Variants in PDSS2 observed in about 807,000 individuals in gnomAD.
PDSS2 encodes decaprenyl diphosphate synthase subunit 2, also known as all trans-polyprenyl-diphosphate synthase PDSS2.
A neutral mutation model predicts 44.5 loss-of-function variants in PDSS2; 31 were observed. That is an observed-to-expected ratio of 0.70 (90% confidence interval 0.52 to 0.94). PDSS2 has a LOEUF of 0.94. PDSS2 is among the 40% of genes least tolerant of loss of function. PDSS2 has a pLI of 0.00. For synonymous variants in PDSS2, 157 were observed against 180.3 expected, an observed-to-expected ratio of 0.87 and a Z score of 1.03; for missense variants, 452 against 482.2, an observed-to-expected ratio of 0.94 and a Z score of 0.59.
intron 1 of PDSS2, among the ~76,000 whole-genome samples, chr6:107,436,863 A>T (rs974308822): frequency 2.2e-4 from 32 of 146,916 alleles, no homozygotes; most frequent in Admixed American, 8.1e-4. Context: ...TTTGTCAATT[A>T]AAAAAATAAA....
chr6:107,242,809 G>C (rs914597224), intron 4 of PDSS2, among the ~76,000 whole-genome samples: 4 of 152,192 alleles, frequency 2.6e-5, no homozygotes, highest in African/African-American at 9.7e-5. Context: ...TGGGATTATA[G>C]GCTTGAGCCA....
At chr6:107,192,033 C>T (rs1772399261) in intron 7 of PDSS2, among the ~76,000 whole-genome samples, 1 of 152,136 alleles carries the variant, frequency 6.6e-6, no homozygotes, top group Non-Finnish European at 1.5e-5. Context: ...TTGCTGTCAA[C>T]CTAAAACTGC....
intron 2 of PDSS2, among the ~76,000 whole-genome samples, chr6:107,282,732 G>A (rs1245492606): frequency 6.6e-6 from 1 of 151,610 alleles, no homozygotes; most frequent in Non-Finnish European, 1.5e-5. Flanking sequence ...TACCAGGCAG[G>A]GTGGCAGGTG....
chr6:107,348,961 G>GA (rs1315539662), intron 1 of PDSS2, among the ~76,000 whole-genome samples: 2 of 152,180 alleles, frequency 1.3e-5, no homozygotes, highest in Admixed American at 1.3e-4. Flanking sequence ...GTAGAGCCAT[G>GA]ATTTTAACCC....
rs540080258 is a variant in PDSS2 at position 107,224,606 on chromosome 6, T to G, written c.703-12324A>C. ...GCATATACAGTTAGAGTAAAATATA[T>G]ATAGAGAGAGTAAAATATACATCTT... is the stretch of plus-strand genomic sequence containing the variant. On this transcript the variant is annotated intron_variant, in intron 4 of 7. Coordinates refer to ENST00000369037, the MANE Select transcript of PDSS2 (RefSeq NM_020381.4). 1.3e-4 allele frequency among the ~76,000 whole-genome samples: 20 copies of G among 151,452 alleles called. No individual in the cohort carries two copies. In the East Asian group the frequency reaches 3.7e-3, roughly 28 times the overall value.
intron 1 of PDSS2, 95 bp from the exon 2 acceptor site, chr6:107,334,427 AC>A: frequency 8.9e-7 from 1 of 1,129,652 alleles, no homozygotes; most frequent in South Asian, 1.2e-5. Context: ...CACTTCTAAA[AC>A]TGGACAATGA....
At chr6:107,176,086 G>A (rs1007843241) in intron 7 of PDSS2, among the ~76,000 whole-genome samples, 2 of 151,840 alleles carry the variant, frequency 1.3e-5, no homozygotes, top group African/African-American at 2.4e-5. Context: ...CTGTCTCCCA[G>A]GCTGGAATGC....
At chr6:107,176,844 T>A (rs560685819) in intron 7 of PDSS2, among the ~76,000 whole-genome samples, 1 of 152,232 alleles carries the variant, frequency 6.6e-6, no homozygotes, top group African/African-American at 2.4e-5. Context: ...GGTATTTATA[T>A]ATAGTTTAAA....
At chr6:107,313,572 C>A (rs369194228) in intron 2 of PDSS2, among the ~76,000 whole-genome samples, 1 of 151,902 alleles carries the variant, frequency 6.6e-6, no homozygotes, top group Admixed American at 6.6e-5. Flanking sequence ...AGGCTGGTCT[C>A]GAACTCCTGA....
chr6:107,434,357 T>C (rs1198900284), intron 1 of PDSS2, among the ~76,000 whole-genome samples: 1 of 152,232 alleles, frequency 6.6e-6, no homozygotes, highest in Non-Finnish European at 1.5e-5. Context: ...GCAACCTAAG[T>C]GTCCATGAAC....
chr6:107,351,655 C>T (rs549446088), intron 1 of PDSS2, among the ~76,000 whole-genome samples: 31 of 152,100 alleles, frequency 2.0e-4, no homozygotes, highest in Non-Finnish European at 4.0e-4. Context: ...GTTTCAAATA[C>T]TGTGATATAA....
intron 3 of PDSS2, among the ~76,000 whole-genome samples, chr6:107,253,429 T>C (rs566463271): frequency 1.3e-5 from 2 of 152,366 alleles, no homozygotes; most frequent in Non-Finnish European, 2.9e-5. Context: ...TTTTAAATTA[T>C]AGTTGTTCTT....
At chr6:107,235,540 A>C (rs1035463130) in intron 4 of PDSS2, among the ~76,000 whole-genome samples, 1 of 152,254 alleles carries the variant, frequency 6.6e-6, no homozygotes, top group Non-Finnish European at 1.5e-5. Flanking sequence ...CACCTGAAAG[A>C]ATCAAACTGT....
intron 4 of PDSS2, among the ~76,000 whole-genome samples, chr6:107,225,029 A>G (rs1773738686): frequency 6.8e-6 from 1 of 147,928 alleles, no homozygotes; most frequent in Non-Finnish European, 1.5e-5. Flanking sequence ...AGTTCTTGCC[A>G]CACAGGCCAC....
intron 2 of PDSS2, among the ~76,000 whole-genome samples, chr6:107,313,157 A>G (rs1034367985): frequency 2.6e-5 from 4 of 152,230 alleles, no homozygotes; most frequent in Admixed American, 2.6e-4. Flanking sequence ...ATGTGCTTAC[A>G]TTCTAATTTT....
At chr6:107,434,217 T>G (rs1013659868) in intron 1 of PDSS2, among the ~76,000 whole-genome samples, 1 of 151,954 alleles carries the variant, frequency 6.6e-6, no homozygotes, top group Middle Eastern at 3.2e-3. Context: ...AAACTGAAAA[T>G]AGAGATAACT....
chr6:107,278,186 T>C (rs1775851985), intron 2 of PDSS2, among the ~76,000 whole-genome samples: 1 of 152,018 alleles, frequency 6.6e-6, no homozygotes, highest in Non-Finnish European at 1.5e-5. Context: ...GATGACCCAG[T>C]AGACATATTG....
intron 2 of PDSS2, among the ~76,000 whole-genome samples, chr6:107,276,874 A>G (rs1202889862): frequency 6.6e-6 from 1 of 152,204 alleles, no homozygotes; most frequent in African/African-American, 2.4e-5. Flanking sequence ...GAAAGGCAAC[A>G]TGGAGAAAGG....
chr6:107,459,384 C>T lies in PDSS2; in HGVS notation c.-99G>A. 2.0e-6 allele frequency: 2 copies of T among 996,916 alleles called. No individual in the cohort carries two copies. The highest frequency in any genetic ancestry group is 3.1e-6 in the Non-Finnish European group (2 of 654,150). The allele number at this position is 996,916 out of a possible 1,614,324, so 61.8% of individuals were successfully genotyped here. A position where few individuals can be genotyped will look rare whatever the true frequency, so the allele number is the denominator to read the frequency against. The stretch of plus-strand genomic sequence containing the variant: ...GGAACTTACAGTAACTAAAAGGAAG[C>T]GGCAATTCTTGACCCTCAGAGTAAG... On this transcript the variant is annotated 5_prime_UTR_variant, in exon 1 of 8. Transcript: ENST00000369037. This position sits in a 1 kb window ranked among gnomAD's most constrained non-coding sequence, Gnocchi z 4.3.
Sources: gnomAD v4.1 joint callset for allele counts (sites outside exome capture counted in the v4.1 genomes callset) on GRCh38, gnomAD v4.1.1 for gene constraint, Gnocchi (gnomAD v3.1) non-coding constraint, MANE v1.5 for transcripts, NCBI Gene and HGNC (gene_info 2026-07-23, HGNC 2026-07-21) for gene names.